Variants in GPHN observed in about 807,000 individuals in gnomAD.
GPHN encodes the protein gephyrin.
Under a neutral mutation model 95.5 loss-of-function variants are expected in GPHN, and 17 were observed. The observed-to-expected ratio is 0.18, with a 90% CI of 0.12 to 0.27. GPHN has a LOEUF of 0.27. GPHN is among the 10% of genes least tolerant of loss of function. GPHN has a pLI of 1.00. For missense variants in GPHN, 660 were observed against 978.1 expected, an observed-to-expected ratio of 0.67 and a Z score of 4.34; for synonymous variants, 320 against 322.5, an observed-to-expected ratio of 0.99 and a Z score of 0.08.
chr14:67,601,897 C>T, the GPHN span, among the ~76,000 whole-genome samples: 1 of 151,946 alleles, frequency 6.6e-6, no homozygotes, highest in South Asian at 2.1e-4. Flanking sequence ...AAAAAAGATC[C>T]ATGGCATAAA....
the GPHN span, among the ~76,000 whole-genome samples, chr14:67,405,846 C>T: frequency 6.6e-6 from 1 of 152,192 alleles, no homozygotes; most frequent in East Asian, 1.9e-4. Context: ...GCCAGTCAAG[C>T]CTTCAGGTGA....
At chr14:67,233,094 T>TC in the GPHN span, among the ~76,000 whole-genome samples, 23,469 of 151,416 alleles carry the variant, frequency 0.15, 3,450 homozygotes, top group East Asian at 0.42. Flanking sequence ...TTCCCATGTC[T>TC]CCATTCCACC....
chr14:67,204,812 C>T, the GPHN span: 1 of 1,613,992 alleles, frequency 6.2e-7, no homozygotes, highest in Non-Finnish European at 8.5e-7. Flanking sequence ...ACCACGTTCA[C>T]AGCCATCCTG....
chr14:67,642,787 C>T, the GPHN span, among the ~76,000 whole-genome samples: 207 of 72,100 alleles, frequency 2.9e-3, 3 homozygotes, highest in Middle Eastern at 0.039. Context: ...CATGTTACTA[C>T]ATTTTCTTTT....
At chr14:67,212,218 C>T in the GPHN span, among the ~76,000 whole-genome samples, 2 of 152,024 alleles carry the variant, frequency 1.3e-5, no homozygotes, top group Non-Finnish European at 2.9e-5. Context: ...ATTAGTTGCT[C>T]AGTAAATGAT....
At chr14:66,859,693 A>G (rs1462966622) in intron 4 of GPHN, among the ~76,000 whole-genome samples, 1 of 152,240 alleles carries the variant, frequency 6.6e-6, no homozygotes, top group Non-Finnish European at 1.5e-5. Flanking sequence ...AGAATTCAAA[A>G]TAGATATTTT....
intron 12 of GPHN, among the ~76,000 whole-genome samples, chr14:67,096,271 A>ACAAAGAC (rs1285996254): frequency 2.6e-5 from 4 of 152,302 alleles, no homozygotes; most frequent in African/African-American, 7.2e-5. Context: ...TTCCCTGATA[A>ACAAAGAC]CAAAGACCTT....
chr14:66,817,770 G>A (rs181874704), intron 3 of GPHN, among the ~76,000 whole-genome samples: 50 of 152,204 alleles, frequency 3.3e-4, no homozygotes, highest in South Asian at 1.7e-3. Context: ...CCCTTGTCTA[G>A]CCCAGCCTTC....
chr14:67,467,905 A>G, the GPHN span: 1 of 152,154 alleles, frequency 6.6e-6, no homozygotes, highest in Non-Finnish European at 1.5e-5. Flanking sequence ...GCAGGGCCCA[A>G]AGTTCAGTGC....
the GPHN span, among the ~76,000 whole-genome samples, chr14:67,481,265 G>A: frequency 6.6e-6 from 1 of 152,116 alleles, no homozygotes; most frequent in Admixed American, 6.6e-5. Flanking sequence ...CATGGACAAT[G>A]AGCAAGACCC....
At chr14:67,607,682 A>T in the GPHN span, among the ~76,000 whole-genome samples, 1 of 152,154 alleles carries the variant, frequency 6.6e-6, no homozygotes, top group Non-Finnish European at 1.5e-5. Context: ...GAGTATTTTT[A>T]AAAAGCTCCC....
chr14:67,569,227 A>G, the GPHN span: 28 of 1,603,296 alleles, frequency 1.7e-5, no homozygotes, highest in South Asian at 2.6e-4. Flanking sequence ...GTGAGTTCCA[A>G]GTGAGGCTTG....
the GPHN span, among the ~76,000 whole-genome samples, chr14:67,496,125 G>A: frequency 2.6e-5 from 4 of 152,218 alleles, no homozygotes; most frequent in African/African-American, 9.6e-5. Flanking sequence ...GGAGGGCAAA[G>A]CTGCAGTGAG....
At chr14:66,876,729 G>A (rs1427043737) in intron 4 of GPHN, among the ~76,000 whole-genome samples, 1 of 152,016 alleles carries the variant, frequency 6.6e-6, no homozygotes, top group Admixed American at 6.6e-5. Context: ...CCAATAACAA[G>A]TTCTGAAGTT....
chr14:67,141,252 T>C (rs1317875484), intron 17 of GPHN, among the ~76,000 whole-genome samples: 1 of 152,182 alleles, frequency 6.6e-6, no homozygotes, highest in Non-Finnish European at 1.5e-5. Flanking sequence ...TCATAGTAAA[T>C]GAAGCTATTC....
At chr14:67,225,044 C>A in the GPHN span, 2 of 1,390,550 alleles carry the variant, frequency 1.4e-6, no homozygotes, top group Non-Finnish European at 1.9e-6. Context: ...CTGCTTTTGG[C>A]TTTTTTTCTT....
At chr14:67,049,304 T>G (rs1298350129) in intron 10 of GPHN, among the ~76,000 whole-genome samples, 3 of 152,100 alleles carry the variant, frequency 2.0e-5, no homozygotes, top group African/African-American at 7.2e-5. Context: ...CTCGGCTCAC[T>G]GCAAGCTCCG....
chr14:66,567,242 C>T (rs1680605606), intron 1 of GPHN, among the ~76,000 whole-genome samples: 1 of 152,120 alleles, frequency 6.6e-6, no homozygotes, highest in East Asian at 1.9e-4. Context: ...ACAGTAGAGC[C>T]TAGAGGCATT....
chr14:67,147,819 A>G (rs913879273), intron 18 of GPHN, among the ~76,000 whole-genome samples: 10 of 152,234 alleles, frequency 6.6e-5, no homozygotes, highest in South Asian at 2.1e-4. Flanking sequence ...CAGTTTACCT[A>G]TAAGAACCTA....
Sources: gnomAD v4.1 joint callset for allele counts (sites outside exome capture counted in the v4.1 genomes callset) on GRCh38, gnomAD v4.1.1 for gene constraint, MANE v1.5 for transcripts, NCBI Gene and HGNC (gene_info 2026-07-23, HGNC 2026-07-21) for gene names.